CMKLR1: variants seen among roughly 807,000 people sequenced by gnomAD.
The protein encoded by CMKLR1 is chemerin chemokine-like receptor 1, also known as chemerin-like receptor 1.
A neutral mutation model predicts 8.2 loss-of-function variants in CMKLR1; 6 were observed. That is an observed-to-expected ratio of 0.73 (90% CI 0.40 to 1.44). CMKLR1 has a LOEUF of 1.44. Ranked by LOEUF, CMKLR1 falls within the 40% of genes most tolerant of loss-of-function variation. The probability of loss-of-function intolerance (pLI) is 0.02; values close to 1 mark genes in which losing one functional copy is unlikely to be tolerated. For synonymous variants in CMKLR1, 178 were observed against 181.2 expected (o/e 0.98, Z 0.14); for missense variants, 429 against 478.0 (o/e 0.90, Z 0.96).
intron 2 of CMKLR1, among the ~76,000 whole-genome samples, chr12:108,311,282 G>C (rs930922243): frequency 6.9e-6 from 1 of 143,928 alleles, no homozygotes; most frequent in African/African-American, 2.7e-5. Flanking sequence ...TGGTTGACAT[G>C]AATGTGTGTA....
chr12:108,315,266 C>T (rs941921030), intron 2 of CMKLR1, among the ~76,000 whole-genome samples: 4 of 152,100 alleles, frequency 2.6e-5, no homozygotes, highest in Non-Finnish European at 5.9e-5. Context: ...GGGCCTGGGG[C>T]ATCCTTATAC....
intron 2 of CMKLR1, among the ~76,000 whole-genome samples, chr12:108,312,151 G>A (rs966124371): frequency 1.3e-5 from 2 of 152,192 alleles, no homozygotes; most frequent in African/African-American, 4.8e-5. Context: ...CCCCTGGCCT[G>A]AGGACATTAC....
chr12:108,299,511 C>G (rs890599102), intron 2 of CMKLR1, among the ~76,000 whole-genome samples: 1 of 152,142 alleles, frequency 6.6e-6, no homozygotes, highest in Admixed American at 6.5e-5. Flanking sequence ...CCCCCTGCCC[C>G]CAAATGGTGC....
intron 2 of CMKLR1, among the ~76,000 whole-genome samples, chr12:108,325,438 A>C (rs549914631): frequency 5.9e-5 from 9 of 151,688 alleles, no homozygotes; most frequent in Admixed American, 3.9e-4. Flanking sequence ...GACTCCTGGC[A>C]GGTGCAAGGC....
chr12:108,310,568 C>T (rs1268386771), intron 2 of CMKLR1, among the ~76,000 whole-genome samples: 1 of 152,216 alleles, frequency 6.6e-6, no homozygotes, highest in Non-Finnish European at 1.5e-5. Context: ...CCTCAGCCCA[C>T]AGGGACTGGT....
chr12:108,294,652 A>G (rs1471328498), intron 2 of CMKLR1, among the ~76,000 whole-genome samples: 2 of 152,212 alleles, frequency 1.3e-5, no homozygotes, highest in Non-Finnish European at 2.9e-5. Flanking sequence ...TAAGCCCTCA[A>G]TAAATACTAG....
At chr12:108,321,037 A>C (rs73411409) in intron 2 of CMKLR1, among the ~76,000 whole-genome samples, 1,988 of 152,306 alleles carry the variant, frequency 0.013, 46 homozygotes, top group African/African-American at 0.045. Context: ...CCTCCTAAGA[A>C]TTGCCCTCAG....
chr12:108,332,248 T>G (rs1401460724), intron 1 of CMKLR1, among the ~76,000 whole-genome samples: 1 of 152,182 alleles, frequency 6.6e-6, no homozygotes, highest in African/African-American at 2.4e-5. Flanking sequence ...AAACAATAGG[T>G]GGCCGGGCTC....
At chr12:108,293,007 A>G in intron 3 of CMKLR1, 48 bp from the exon 4 acceptor site, 1 of 1,541,340 alleles carries the variant, frequency 6.5e-7, no homozygotes, top group Non-Finnish European at 8.8e-7. Context: ...AGTTGGCTTT[A>G]AGAGGTTGAC....
chr12:108,315,254 G>A (rs557043803), intron 2 of CMKLR1, among the ~76,000 whole-genome samples: 5 of 152,212 alleles, frequency 3.3e-5, no homozygotes, highest in Non-Finnish European at 5.9e-5. Flanking sequence ...CCAGCTGGGG[G>A]TGGGCCTGGG....
rs1890921368 is a variant in CMKLR1 at position 108,290,117 on chromosome 12, T to C, written c.*1724A>G. ...TTGAGGGAGCTGGAAGCCAAGTGCATTTTCTCTGCCATGTTGCATCATTTT... is the reference window on the plus strand; with the variant it reads ...TTGAGGGAGCTGGAAGCCAAGTGCACTTTCTCTGCCATGTTGCATCATTTT... On this transcript the variant is annotated 3_prime_UTR_variant, in exon 4 of 4. Transcript: ENST00000550402. 6.6e-6 allele frequency: 1 copy of C among 152,264 alleles called. No individual in the cohort carries two copies. The highest frequency in any genetic ancestry group is 6.5e-5 in the Admixed American group (1 of 15,288). 9.4% of individuals were successfully genotyped at this position (152,264 alleles called of 1,614,324 possible).
chr12:108,307,761 G>C (rs981393873), intron 2 of CMKLR1, among the ~76,000 whole-genome samples: 1 of 152,208 alleles, frequency 6.6e-6, no homozygotes, highest in African/African-American at 2.4e-5. Context: ...CTATTGTCTG[G>C]CCTCAGTCGG....
chr12:108,317,874 G>T (rs1891770538), intron 2 of CMKLR1: 1 of 152,194 alleles, frequency 6.6e-6, no homozygotes, highest in South Asian at 2.1e-4. Context: ...ACCTCCCTAT[G>T]TTAGTTCCTC....
At chr12:108,313,606 A>G (rs1232073265) in intron 2 of CMKLR1, among the ~76,000 whole-genome samples, 1 of 152,224 alleles carries the variant, frequency 6.6e-6, no homozygotes, top group African/African-American at 2.4e-5. Flanking sequence ...CCAGAAACCA[A>G]GGGGTGTCCT....
intron 2 of CMKLR1, among the ~76,000 whole-genome samples, chr12:108,306,494 C>A (rs1255270307): frequency 6.6e-6 from 1 of 151,548 alleles, no homozygotes; most frequent in Admixed American, 6.6e-5. Flanking sequence ...TCAACAAGTT[C>A]TTCCCATTTT....
intron 2 of CMKLR1, among the ~76,000 whole-genome samples, chr12:108,326,618 G>A (rs896183334): frequency 3.3e-5 from 5 of 152,200 alleles, no homozygotes; most frequent in Non-Finnish European, 7.3e-5. Context: ...AGGATTCATG[G>A]ACTCTGGAGA....
chr12:108,314,934 GTTTTTTTTTTT>G (rs3045858), intron 2 of CMKLR1, among the ~76,000 whole-genome samples: 1 of 109,606 alleles, frequency 9.1e-6, no homozygotes, highest in Non-Finnish European at 1.8e-5. Context: ...ACACAGCCTT[GTTTTTTTTTTT>G]TTTTTTTTTG....
At chr12:108,330,873 C>A (rs1249634371) in intron 1 of CMKLR1, among the ~76,000 whole-genome samples, 1 of 152,154 alleles carries the variant, frequency 6.6e-6, no homozygotes, top group Non-Finnish European at 1.5e-5. Flanking sequence ...CAAAGATAAT[C>A]CAGCCCTCAA....
chr12:108,317,702 C>T (rs374464433), intron 2 of CMKLR1, among the ~76,000 whole-genome samples: 1 of 152,332 alleles, frequency 6.6e-6, no homozygotes, highest in Non-Finnish European at 1.5e-5. Context: ...AGCCTAACAG[C>T]CATCCATCCA....
Sources: allele counts gnomAD v4.1 joint callset (sites outside exome capture counted in the v4.1 genomes callset), GRCh38; gene constraint gnomAD v4.1.1; transcripts MANE v1.5; gene names NCBI Gene and HGNC (gene_info 2026-07-23, HGNC 2026-07-21).